RALGPS1: variants seen among roughly 807,000 people sequenced by gnomAD.
RALGPS1 encodes the protein ras-specific guanine nucleotide-releasing factor RalGPS1.
In RALGPS1, 19 loss-of-function variants were observed where a neutral mutation model predicts 78.8. That is an observed-to-expected ratio of 0.24 (90% confidence interval 0.17 to 0.35). The LOEUF (loss-of-function observed/expected upper bound fraction) is 0.35, where lower values mean the gene tolerates loss of function less well. Ranked by LOEUF, RALGPS1 falls within the 10% of genes least tolerant of loss-of-function variation. The pLI is 1.00. For missense variants in RALGPS1, 454 were observed against 688.3 expected, an observed-to-expected ratio of 0.66 and a Z score of 3.81; for synonymous variants, 228 against 256.3, an observed-to-expected ratio of 0.89 and a Z score of 1.06.
At position 127,108,287 on chromosome 9, in the gene RALGPS1, G is replaced by A. The variant is rs568583240; in HGVS notation, c.610+38931G>A. ...TGGGAGAGCTCCAACGCGTTGTCCC[G>A]CTTGCGGATGATCTCGTGCAGGAGC... is the stretch of plus-strand genomic sequence containing the variant. On this transcript the variant is annotated intron_variant, in intron 8 of 18. Transcript: ENST00000259351. The A allele has an allele frequency of 8.1e-6, 13 of 1,613,968 alleles. No individual in the cohort carries two copies. Among genetic ancestry groups the A allele is most frequent in the African/African-American group, 1.3e-5 (1 of 74,980 alleles).
chr9:127,138,272 C>T (rs911632086), intron 8 of RALGPS1, among the ~76,000 whole-genome samples: 1 of 152,194 alleles, frequency 6.6e-6, no homozygotes. Context: ...AGTGAGGAAA[C>T]TAAGCCACAG....
chr9:127,142,610 A>G (rs975255529), intron 8 of RALGPS1, among the ~76,000 whole-genome samples: 2 of 152,188 alleles, frequency 1.3e-5, no homozygotes, highest in Non-Finnish European at 2.9e-5. Context: ...TGGGTTGCAA[A>G]TAAGACCCTG....
intron 8 of RALGPS1, among the ~76,000 whole-genome samples, chr9:127,160,668 C>G (rs2058969948): frequency 6.6e-6 from 1 of 152,236 alleles, no homozygotes; most frequent in African/African-American, 2.4e-5. Flanking sequence ...ACCCCCAACT[C>G]TCTGCCTGGA....
intron 8 of RALGPS1, among the ~76,000 whole-genome samples, chr9:127,097,792 C>T (rs79578551): frequency 0.081 from 12,342 of 152,226 alleles, 1,642 homozygotes; most frequent in African/African-American, 0.28. Flanking sequence ...GCTGAGGAAG[C>T]GAGGGCTGGA....
At chr9:127,120,572 C>T (rs1011661201) in intron 8 of RALGPS1, among the ~76,000 whole-genome samples, 2 of 152,190 alleles carry the variant, frequency 1.3e-5, no homozygotes, top group Non-Finnish European at 2.9e-5. Context: ...GCCTGCAATC[C>T]CAGCACTTCG....
chr9:127,155,481 G>A (rs2058660147), intron 8 of RALGPS1, among the ~76,000 whole-genome samples: 1 of 152,204 alleles, frequency 6.6e-6, no homozygotes, highest in Admixed American at 6.5e-5. Flanking sequence ...GGGCTGCATG[G>A]AGGGGCTGGC....
chr9:127,086,075 C>T (rs1196066338), intron 8 of RALGPS1, among the ~76,000 whole-genome samples: 2 of 152,142 alleles, frequency 1.3e-5, no homozygotes, highest in African/African-American at 4.8e-5. Context: ...ATGATCCCTC[C>T]TTCACAGAGC....
intron 11 of RALGPS1, among the ~76,000 whole-genome samples, chr9:127,181,603 TC>T (rs1227433633): frequency 2.6e-5 from 4 of 152,196 alleles, no homozygotes; most frequent in African/African-American, 9.7e-5. Flanking sequence ...GAAGGCAACT[TC>T]CATGTAAGAA....
intron 8 of RALGPS1, among the ~76,000 whole-genome samples, chr9:127,095,537 T>TG (rs2053028935): frequency 6.6e-6 from 1 of 152,256 alleles, no homozygotes; most frequent in East Asian, 1.9e-4. Flanking sequence ...CCTCTGCAGA[T>TG]GCGGTGCTGG....
At chr9:127,080,337 CTTG>C (rs961509261) in intron 8 of RALGPS1, among the ~76,000 whole-genome samples, 29 of 152,164 alleles carry the variant, frequency 1.9e-4, no homozygotes, top group African/African-American at 5.6e-4. Flanking sequence ...TAACACATTG[CTTG>C]TTGTAAAAAT....
intron 8 of RALGPS1, among the ~76,000 whole-genome samples, chr9:127,092,613 T>C (rs1185358617): frequency 2.6e-5 from 4 of 152,160 alleles, no homozygotes; most frequent in African/African-American, 9.7e-5. Flanking sequence ...CTAATCCTCA[T>C]GTCAACTCGA....
intron 4 of RALGPS1, among the ~76,000 whole-genome samples, chr9:127,020,324 A>G (rs546139786): frequency 2.0e-5 from 3 of 152,360 alleles, no homozygotes; most frequent in African/African-American, 7.2e-5. Flanking sequence ...CTTCCTGTGA[A>G]GCAGGTACTT....
intron 8 of RALGPS1, among the ~76,000 whole-genome samples, chr9:127,073,669 G>A (rs562304260): frequency 2.0e-5 from 3 of 152,086 alleles, no homozygotes; most frequent in East Asian, 1.9e-4. Flanking sequence ...TCAAGCAATC[G>A]CTATACTGTT....
chr9:126,972,820 T>G (rs952504744), intron 3 of RALGPS1, among the ~76,000 whole-genome samples: 9 of 152,138 alleles, frequency 5.9e-5, no homozygotes, highest in East Asian at 1.9e-4. Context: ...TCCCAACACT[T>G]TGGGAGGCTG....
At chr9:127,043,771 A>G (rs2047520420) in intron 5 of RALGPS1, among the ~76,000 whole-genome samples, 1 of 152,248 alleles carries the variant, frequency 6.6e-6, no homozygotes, top group African/African-American at 2.4e-5. Flanking sequence ...TAGCCCAATT[A>G]AAAAATGGGC....
intron 3 of RALGPS1, among the ~76,000 whole-genome samples, chr9:126,966,247 G>A (rs2039481526): frequency 6.6e-6 from 1 of 152,192 alleles, no homozygotes; most frequent in Admixed American, 6.5e-5. Flanking sequence ...GACTGGGCAA[G>A]GTGGCTCACG....
At chr9:127,156,014 C>G (rs577005730) in intron 8 of RALGPS1, among the ~76,000 whole-genome samples, 1 of 151,778 alleles carries the variant, frequency 6.6e-6, no homozygotes, top group Non-Finnish European at 1.5e-5. Context: ...AGATGGCTAT[C>G]GATAACAGAT....
At chr9:126,955,695 G>A (rs375680339) in intron 1 of RALGPS1, among the ~76,000 whole-genome samples, 2 of 152,052 alleles carry the variant, frequency 1.3e-5, no homozygotes, top group African/African-American at 4.8e-5. Flanking sequence ...GAAGGAGCCC[G>A]GAGGCTTCAC....
chr9:127,187,008 T>TGAGCAGGAAGGGCCG (rs910033208), intron 11 of RALGPS1, among the ~76,000 whole-genome samples: 1 of 151,112 alleles, frequency 6.6e-6, no homozygotes, highest in African/African-American at 2.4e-5. Context: ...CAGGCAGGAG[T>TGAGCAGGAAGGGCCG]GAGCAGGAAG....
Sources: gnomAD v4.1 joint callset for allele counts (sites outside exome capture counted in the v4.1 genomes callset) on GRCh38, gnomAD v4.1.1 for gene constraint, MANE v1.5 for transcripts, NCBI Gene and HGNC (gene_info 2026-07-23, HGNC 2026-07-21) for gene names.